BRINP3: variants seen among roughly 807,000 people sequenced by gnomAD.
BRINP3 encodes BMP/retinoic acid inducible neural specific 3.
BRINP3 carries 19 observed loss-of-function variants against 71.0 expected under a neutral mutation model. The observed-to-expected ratio is 0.27, with a 90% CI of 0.19 to 0.39. The LOEUF (loss-of-function observed/expected upper bound fraction) is 0.39. Among genes scored for constraint, BRINP3 ranks in the 10% least tolerant of loss-of-function variants. The pLI, the probability that BRINP3 is intolerant of heterozygous loss-of-function variation, is 1.00. For missense variants in BRINP3, 959 were observed against 940.8 expected, an observed-to-expected ratio of 1.02 and a Z score of -0.25; for synonymous variants, 380 against 337.7, an observed-to-expected ratio of 1.13 and a Z score of -1.37.
intron 2 of BRINP3, among the ~76,000 whole-genome samples, chr1:190,402,949 A>G (rs1328629103): frequency 6.6e-6 from 1 of 152,096 alleles, no homozygotes; most frequent in Non-Finnish European, 1.5e-5. Context: ...CTGGTCTCCA[A>G]CTGCTGAGTT....
chr1:190,419,267 C>G (rs988176185), intron 2 of BRINP3, among the ~76,000 whole-genome samples: 6 of 151,926 alleles, frequency 3.9e-5, no homozygotes, highest in Non-Finnish European at 7.4e-5. Flanking sequence ...AAATTTCTGT[C>G]ATTGCAAGAC....
In BRINP3 at chr1:190,274,844, A is replaced by G. The variant is rs556254120; in HGVS notation, c.427+6716T>C. Among the ~76,000 whole-genome samples the G allele has an allele frequency of 2.6e-5, 4 of 151,788 alleles. No homozygotes were observed. The East Asian group carries it at 7.8e-4, about 29-fold the overall frequency. On this transcript the variant is annotated intron_variant, in intron 3 of 7. Coordinates refer to ENST00000367462, the MANE Select transcript of BRINP3 (RefSeq NM_199051.3). ...ATAGATATACATAAGAAGAAAAAAA[A>G]CAATCTTAGAGAAATAGGCTTTTGC...
intron 2 of BRINP3, among the ~76,000 whole-genome samples, chr1:190,430,312 G>A (rs542770668): frequency 7.3e-4 from 111 of 152,240 alleles, no homozygotes; most frequent in Admixed American, 2.8e-3. Context: ...AGAAAACCAT[G>A]ACATAGAGCT....
At chr1:190,110,783 C>CA (rs1467017577) in intron 7 of BRINP3, among the ~76,000 whole-genome samples, 2 of 151,972 alleles carry the variant, frequency 1.3e-5, no homozygotes, top group Non-Finnish European at 2.9e-5. Flanking sequence ...AAAAAAATTA[C>CA]AAAAACTGAA....
intron 3 of BRINP3, among the ~76,000 whole-genome samples, chr1:190,269,301 A>C (rs1384043196): frequency 6.6e-6 from 1 of 152,148 alleles, no homozygotes. Context: ...GATTAGAGAC[A>C]TGATTATTTA....
chr1:190,139,481 A>C (rs1170984325), intron 7 of BRINP3, among the ~76,000 whole-genome samples: 3 of 151,640 alleles, frequency 2.0e-5, no homozygotes, highest in Non-Finnish European at 4.4e-5. Flanking sequence ...GAAAGAAAGA[A>C]AAGAAAAAAA....
chr1:190,229,527 G>A (rs1657736563), intron 5 of BRINP3, among the ~76,000 whole-genome samples: 1 of 151,824 alleles, frequency 6.6e-6, no homozygotes, highest in Non-Finnish European at 1.5e-5. Flanking sequence ...TTCCATTAGA[G>A]TTCTGCCCAG....
In BRINP3 at chr1:190,296,634, T is replaced by C. The variant is rs560479526; in HGVS notation, c.237-14884A>G. ...TGGAAAGGAAGCTAAACTGTCTCTA[T>C]TGCAGATGACGTAATCTTACACAAA... On this transcript the variant is annotated intron_variant, in intron 2 of 7. Transcript: ENST00000367462. 3.5e-4 allele frequency among the ~76,000 whole-genome samples: 54 copies of C among 152,258 alleles called. No homozygotes were observed. The Middle Eastern group carries it at 0.02, about 58-fold the overall frequency.
intron 2 of BRINP3, among the ~76,000 whole-genome samples, chr1:190,301,212 T>TATATATATACACACATAC (rs1558160735): frequency 2.9e-5 from 2 of 68,282 alleles, no homozygotes; most frequent in African/African-American, 9.2e-5. Flanking sequence ...TACATATATA[T>TATATATATACACACATAC]ATATATATAT....
intron 2 of BRINP3, among the ~76,000 whole-genome samples, chr1:190,322,183 C>T (rs1666289288): frequency 1.3e-5 from 2 of 151,730 alleles, no homozygotes; most frequent in African/African-American, 4.8e-5. Context: ...CCAGTAAATA[C>T]AGTAGTTGAT....
chr1:190,444,370 A>T (rs995425288), intron 2 of BRINP3, among the ~76,000 whole-genome samples: 2 of 151,234 alleles, frequency 1.3e-5, no homozygotes, highest in Non-Finnish European at 2.9e-5. Context: ...TTTACAAACC[A>T]TTCACTGGTA....
intron 7 of BRINP3, among the ~76,000 whole-genome samples, chr1:190,139,616 A>C (rs1472869485): frequency 6.6e-6 from 1 of 152,136 alleles, no homozygotes; most frequent in Non-Finnish European, 1.5e-5. Context: ...ATTAGAAGGA[A>C]AGGTGGGCAG....
chr1:190,393,735 C>T (rs1671399874), intron 2 of BRINP3, among the ~76,000 whole-genome samples: 1 of 151,456 alleles, frequency 6.6e-6, no homozygotes, highest in African/African-American at 2.4e-5. Flanking sequence ...AATCTAATAG[C>T]ATGCTGAAAA....
intron 2 of BRINP3, among the ~76,000 whole-genome samples, chr1:190,366,892 C>T (rs536585033): frequency 9.3e-4 from 141 of 152,348 alleles, no homozygotes; most frequent in Admixed American, 2.7e-3. Context: ...CTCCAACAGC[C>T]TTGGGCAGCT....
At chr1:190,122,595 G>C (rs1220620634) in intron 7 of BRINP3, among the ~76,000 whole-genome samples, 1 of 131,892 alleles carries the variant, frequency 7.6e-6, no homozygotes, top group African/African-American at 2.7e-5. Flanking sequence ...GTGGGGGAGG[G>C]GGAGGGATAG....
chr1:190,316,172 T>A lies in BRINP3; in HGVS notation c.237-34422A>T, dbSNP rs924320032. Among the ~76,000 whole-genome samples the A allele has an allele frequency of 2.0e-5, 3 of 151,928 alleles. No homozygotes were observed. The East Asian group carries it at 5.8e-4, about 29-fold the overall frequency. ...AAAATCAGCATTGGAAAGTTCAGAATGACAAAAAAAGGTTGACTTTATTTT... is the reference window on the plus strand; with the variant it reads ...AAAATCAGCATTGGAAAGTTCAGAAAGACAAAAAAAGGTTGACTTTATTTT... On this transcript the variant is annotated intron_variant, in intron 2 of 7. Coordinates refer to ENST00000367462, the MANE Select transcript of BRINP3 (RefSeq NM_199051.3).
intron 7 of BRINP3, among the ~76,000 whole-genome samples, chr1:190,148,682 T>G (rs1656127062): frequency 6.6e-6 from 1 of 151,902 alleles, no homozygotes; most frequent in Non-Finnish European, 1.5e-5. Context: ...TTTATAGTAC[T>G]GCATTAGCTT....
intron 6 of BRINP3, among the ~76,000 whole-genome samples, chr1:190,181,601 TATC>T (rs1163923823): frequency 6.6e-6 from 1 of 152,006 alleles, no homozygotes; most frequent in Non-Finnish European, 1.5e-5. Context: ...GTACAAAACT[TATC>T]ATGGTGGACT....
At chr1:190,242,789 T>G (rs1659234269) in intron 4 of BRINP3, among the ~76,000 whole-genome samples, 1 of 152,060 alleles carries the variant, frequency 6.6e-6, no homozygotes, top group Non-Finnish European at 1.5e-5. Context: ...ATTATAAAAT[T>G]TAACCATAGG....
Sources: gnomAD v4.1 joint callset for allele counts (sites outside exome capture counted in the v4.1 genomes callset) on GRCh38, gnomAD v4.1.1 for gene constraint, MANE v1.5 for transcripts, NCBI Gene and HGNC (gene_info 2026-07-23, HGNC 2026-07-21) for gene names.